The following PRKN variants were observed in gnomAD, a reference collection of about 807,000 sequenced individuals.
PRKN encodes the protein E3 ubiquitin-protein ligase parkin.
Under a neutral mutation model 59.5 loss-of-function variants are expected in PRKN, and 56 were observed. The ratio of observed to expected loss-of-function variants is 0.94; its 90% confidence interval spans 0.76 to 1.18. PRKN has a LOEUF of 1.18. Among genes scored for constraint, PRKN ranks in the 50% most tolerant of loss-of-function variants. The pLI is 0.00. For missense variants in PRKN, 657 were observed against 596.4 expected (o/e 1.10, Z -1.06); for synonymous variants, 250 against 222.1 (o/e 1.13, Z -1.12).
At chr6:162,006,339 C>T (rs1376223255) in intron 5 of PRKN, among the ~76,000 whole-genome samples, 1 of 152,166 alleles carries the variant, frequency 6.6e-6, no homozygotes, top group Non-Finnish European at 1.5e-5. Context: ...ATTCTTCCCA[C>T]AGCAAAATGA....
chr6:162,517,050 G>A (rs1202975038), intron 1 of PRKN, among the ~76,000 whole-genome samples: 3 of 152,036 alleles, frequency 2.0e-5, no homozygotes, highest in Admixed American at 6.6e-5. Flanking sequence ...TAATGGCAAG[G>A]TTAAGGATGG....
intron 7 of PRKN, among the ~76,000 whole-genome samples, chr6:161,583,404 A>G (rs116768005): frequency 3.5e-4 from 54 of 152,214 alleles, no homozygotes; most frequent in African/African-American, 1.3e-3. Context: ...ATCAAGGCAT[A>G]TGTATTTTTC....
rs542210230 is a variant in PRKN at position 161,620,065 on chromosome 6, C to T, written c.872-50649G>A. Among the ~76,000 whole-genome samples the T allele has an allele frequency of 1.9e-4, 27 of 138,528 alleles. 1 individual carries two copies. The South Asian group carries it at 6.3e-3, about 32-fold the overall frequency. 90.9% of individuals were successfully genotyped at this position (138,528 alleles called of 152,430 possible). ...AGTGCAATGGTGTGATCTCAGCTCA[C>T]TGCAACCTCCACCTCCTGAATTTGA... On this transcript the variant is annotated intron_variant, in intron 7 of 11. Transcript: ENST00000366898.
chr6:162,697,633 G>T (rs1406907366), intron 1 of PRKN, among the ~76,000 whole-genome samples: 2 of 152,148 alleles, frequency 1.3e-5, no homozygotes, highest in Non-Finnish European at 2.9e-5. Flanking sequence ...GGCGTCAAAA[G>T]TTGGGAAGCA....
rs1391071559 is a variant in PRKN at position 161,498,546 on chromosome 6, A to C, written c.1083+50308T>G. 6.6e-6 allele frequency among the ~76,000 whole-genome samples: 1 copy of C among 152,086 alleles called. No homozygotes were observed. Among genetic ancestry groups the C allele is most frequent in the East Asian group, 1.9e-4 (1 of 5,174 alleles). On this transcript the variant is annotated intron_variant, in intron 9 of 11. Coordinates refer to ENST00000366898, the MANE Select transcript of PRKN (RefSeq NM_004562.3). This position sits in a 1 kb window ranked among gnomAD's most constrained non-coding sequence, Gnocchi z 4.2. ...CGTCAAATGCCTTGTTTGGCCAATG[A>C]AATGTGGGTGGCAATGACATGTGTA... is the stretch of plus-strand genomic sequence containing the variant.
chr6:161,980,948 T>C (rs572898388), intron 5 of PRKN, among the ~76,000 whole-genome samples: 1 of 152,338 alleles, frequency 6.6e-6, no homozygotes, highest in African/African-American at 2.4e-5. Flanking sequence ...GAAATATGTA[T>C]TGAAGATACA....
intron 6 of PRKN, among the ~76,000 whole-genome samples, chr6:161,868,544 G>GC (rs369456958): frequency 2.6e-4 from 39 of 152,214 alleles, no homozygotes; most frequent in African/African-American, 9.4e-4. Context: ...TCACACCACT[G>GC]CACTCCAACC....
chr6:161,436,680 C>T (rs574227553), intron 9 of PRKN, among the ~76,000 whole-genome samples: 5 of 152,128 alleles, frequency 3.3e-5, no homozygotes, highest in African/African-American at 9.6e-5. Flanking sequence ...GACCTCATCC[C>T]TTCCGGGGGA....
rs1186150949 is a variant in PRKN at position 161,400,378 on chromosome 6, G to T, written c.1084-13501C>A. On this transcript the variant is annotated intron_variant, in intron 9 of 11. Coordinates refer to ENST00000366898, the MANE Select transcript of PRKN (RefSeq NM_004562.3). The surrounding 1 kb of genome is among the most constrained non-coding windows in gnomAD (Gnocchi z 4.2). Reference sequence around the variant, plus strand: ...GCTGGAGTGCAATGGCACGATCTCCGCTCACTGCAACCTGTACCTCCCAGG... The same window carrying T: ...GCTGGAGTGCAATGGCACGATCTCCTCTCACTGCAACCTGTACCTCCCAGG... Among the ~76,000 whole-genome samples the T allele has an allele frequency of 6.6e-6, 1 of 150,992 alleles. No homozygotes were observed. The highest frequency in any genetic ancestry group is 1.5e-5 in the Non-Finnish European group (1 of 67,890).
chr6:161,755,301 C>T (rs7739359), intron 7 of PRKN, among the ~76,000 whole-genome samples: 126,736 of 151,546 alleles, frequency 0.84, 53,541 homozygotes, highest in East Asian at 0.98. Flanking sequence ...ACTGCACCCA[C>T]GTGACAGTGG....
chr6:162,528,922 G>A, intron 1 of PRKN, among the ~76,000 whole-genome samples: 1 of 152,100 alleles, frequency 6.6e-6, no homozygotes, highest in Non-Finnish European at 1.5e-5. Context: ...GTGTCGCCCA[G>A]GCTGGAGTGC....
intron 1 of PRKN, among the ~76,000 whole-genome samples, chr6:162,641,569 T>C (rs1007023386): frequency 3.3e-5 from 5 of 152,132 alleles, no homozygotes; most frequent in South Asian, 2.1e-4. Context: ...AACTTCGTGT[T>C]TGTTTACATT....
At chr6:162,533,815 A>G (rs1322362914) in intron 1 of PRKN, among the ~76,000 whole-genome samples, 2 of 152,070 alleles carry the variant, frequency 1.3e-5, no homozygotes, top group East Asian at 3.9e-4. Context: ...CACTAAAAAT[A>G]CAAAAATTAG....
At chr6:161,877,248 G>A (rs571090999) in intron 6 of PRKN, among the ~76,000 whole-genome samples, 3 of 152,124 alleles carry the variant, frequency 2.0e-5, no homozygotes, top group East Asian at 3.9e-4. Context: ...CAGCCACGGC[G>A]GCCCCATTCC....
In PRKN at chr6:162,725,515, T is replaced by C. The variant is rs565332683; in HGVS notation, c.7+2147A>G. ...TGGTTCATGCCTGTAATCCCAGCAC[T>C]TTCAGAGGCGAATGCGGGAGGATTG... On this transcript the variant is annotated intron_variant, in intron 1 of 11. Transcript: ENST00000366898. Among the ~76,000 whole-genome samples, 9 of 152,290 alleles carry C rather than the reference T, an allele frequency of 5.9e-5. No homozygotes were observed. The South Asian group carries it at 1.5e-3, about 25-fold the overall frequency.
At chr6:161,802,453 C>A (rs571057438) in intron 6 of PRKN, among the ~76,000 whole-genome samples, 1 of 151,174 alleles carries the variant, frequency 6.6e-6, no homozygotes, top group South Asian at 2.1e-4. Context: ...ACACACACAC[C>A]CCACATATGA....
At chr6:161,485,631 G>A (rs1791612992) in intron 9 of PRKN, among the ~76,000 whole-genome samples, 2 of 152,138 alleles carry the variant, frequency 1.3e-5, no homozygotes, top group Non-Finnish European at 2.9e-5. Context: ...GTATAAGAGA[G>A]AAGCTTCTAC....
intron 4 of PRKN, among the ~76,000 whole-genome samples, chr6:162,079,512 A>G (rs1778972194): frequency 6.6e-6 from 1 of 152,108 alleles, no homozygotes; most frequent in Admixed American, 6.5e-5. Context: ...TCTCAAATGT[A>G]TTCACATACC....
In PRKN at chr6:162,011,035, AAT is replaced by A. The variant is rs1363742596; in HGVS notation, c.619-37620_619-37619del. ...AATATATATTATAATATATAATTAT[AAT>A]ATATATTTATAATATATATTATAAT... On this transcript the variant is annotated intron_variant, in intron 5 of 11. Coordinates refer to ENST00000366898, the MANE Select transcript of PRKN (RefSeq NM_004562.3). Among the ~76,000 whole-genome samples, 37 of 7,060 alleles carry A rather than the reference AAT, an allele frequency of 5.2e-3. 10 individuals carry two copies. The East Asian group carries it at 0.21, about 40-fold the overall frequency. 4.6% of individuals were successfully genotyped at this position (7,060 alleles called of 152,430 possible). A position where few individuals can be genotyped will look rare whatever the true frequency, so the allele number is the denominator to read the frequency against.
Sources: allele counts gnomAD v4.1 joint callset (sites outside exome capture counted in the v4.1 genomes callset), GRCh38; gene constraint gnomAD v4.1.1; non-coding constraint Gnocchi (gnomAD v3.1); transcripts MANE v1.5; gene names NCBI Gene and HGNC (gene_info 2026-07-23, HGNC 2026-07-21).